CTNND2: variants seen among roughly 807,000 people sequenced by gnomAD.
The protein encoded by CTNND2 is catenin delta-2.
A neutral mutation model predicts 144.4 loss-of-function variants in CTNND2; 22 were observed. The ratio of observed to expected loss-of-function variants is 0.15; its 90% CI spans 0.11 to 0.22. The LOEUF is 0.22. CTNND2 is among the 10% of genes least tolerant of loss of function. CTNND2 has a pLI of 1.00. For synonymous variants in CTNND2, 751 were observed against 695.6 expected, an observed-to-expected ratio of 1.08 and a Z score of -1.25; for missense variants, 1,353 against 1,618.8, an observed-to-expected ratio of 0.84 and a Z score of 2.82.
rs554286921 is a variant in CTNND2, at chr5:11,521,798, G to T, written c.287+43146C>A. Among the ~76,000 whole-genome samples, 3 of 152,318 alleles carry T rather than the reference G, an allele frequency of 2.0e-5. No homozygotes were observed. In the East Asian group the frequency reaches 5.8e-4, roughly 29 times the overall value. ...GACAATCGATGCTCGTTGAGTGAAT[G>T]ATGCATAGCCGATGTTAAACATCCA... is the stretch of plus-strand genomic sequence containing the variant. On this transcript the variant is annotated intron_variant, in intron 3 of 21. Coordinates refer to ENST00000304623, the MANE Select transcript of CTNND2 (RefSeq NM_001332.4).
At chr5:11,676,943 C>T (rs757104356) in intron 2 of CTNND2, among the ~76,000 whole-genome samples, 7 of 152,176 alleles carry the variant, frequency 4.6e-5, no homozygotes, top group Non-Finnish European at 1.0e-4. Context: ...AAAATTATCT[C>T]ATTCTCTTTA....
rs866769751 is a variant in CTNND2 at position 11,547,690 on chromosome 5, C to T, written c.287+17254G>A. Reference sequence around the variant, plus strand: ...TAATAATGCCTAAATCAGGGAAGTGCAAACTTCAAGCTCACCAGATTTGCA... The same window carrying T: ...TAATAATGCCTAAATCAGGGAAGTGTAAACTTCAAGCTCACCAGATTTGCA... On this transcript the variant is annotated intron_variant, in intron 3 of 21. Transcript: ENST00000304623. Among the ~76,000 whole-genome samples, 13 of 152,286 alleles carry T rather than the reference C, an allele frequency of 8.5e-5. 1 individual carries two copies. The highest frequency in any genetic ancestry group is 3.1e-4 in the African/African-American group (13 of 41,560).
intron 1 of CTNND2, among the ~76,000 whole-genome samples, chr5:11,801,946 C>T (rs539208192): frequency 7.2e-5 from 11 of 151,908 alleles, no homozygotes; most frequent in Admixed American, 1.3e-4. Flanking sequence ...TACATTTTTC[C>T]CAAACTTTTC....
intron 3 of CTNND2, among the ~76,000 whole-genome samples, chr5:11,471,214 T>C (rs574362095): frequency 6.6e-6 from 1 of 151,864 alleles, no homozygotes; most frequent in South Asian, 2.1e-4. Context: ...CCTGACCTCA[T>C]GATCCACCTG....
At chr5:11,336,225 G>C (rs1243028369) in intron 9 of CTNND2, among the ~76,000 whole-genome samples, 1 of 152,142 alleles carries the variant, frequency 6.6e-6, no homozygotes, top group Non-Finnish European at 1.5e-5. Context: ...TGCTTTGTGA[G>C]TTTTGTCCAA....
intron 3 of CTNND2, among the ~76,000 whole-genome samples, chr5:11,486,496 CT>C (rs954686458): frequency 1.1e-4 from 16 of 152,068 alleles, no homozygotes; most frequent in African/African-American, 2.4e-4. Flanking sequence ...TGTGTATAGT[CT>C]TTTTTTCCCC....
At position 11,543,812 on chromosome 5, in the gene CTNND2, C is replaced by T. The variant is rs1774972174; in HGVS notation, c.287+21132G>A. Among the ~76,000 whole-genome samples, 2 of 152,146 alleles carry T rather than the reference C, an allele frequency of 1.3e-5. 1 individual carries two copies. The highest frequency in any genetic ancestry group is 2.9e-5 in the Non-Finnish European group (2 of 68,018). On this transcript the variant is annotated intron_variant, in intron 3 of 21. Coordinates refer to ENST00000304623, the MANE Select transcript of CTNND2 (RefSeq NM_001332.4). ...ATTACTAATGATGCTCTACCCAATA[C>T]AGACCAATAATTTAGTTCAAAGTGG... is the stretch of plus-strand genomic sequence containing the variant.
intron 3 of CTNND2, among the ~76,000 whole-genome samples, chr5:11,469,677 G>A (rs747662178): frequency 3.9e-4 from 59 of 152,186 alleles, no homozygotes; most frequent in Non-Finnish European, 6.9e-4. Flanking sequence ...CCTTGTAGAT[G>A]CCCACTCAAC....
At chr5:11,191,977 C>T (rs1016034892) in intron 11 of CTNND2, among the ~76,000 whole-genome samples, 2 of 152,184 alleles carry the variant, frequency 1.3e-5, no homozygotes, top group East Asian at 1.9e-4. Flanking sequence ...CTTCCACAGG[C>T]GTTTTCACCA....
chr5:11,041,080 A>C (rs1336520263), intron 16 of CTNND2, among the ~76,000 whole-genome samples: 2 of 152,216 alleles, frequency 1.3e-5, no homozygotes, highest in Non-Finnish European at 2.9e-5. Context: ...CCTGAGCGAC[A>C]TTGGAATAGC....
chr5:11,028,262 T>C (rs1335965280), intron 16 of CTNND2, among the ~76,000 whole-genome samples: 1 of 152,140 alleles, frequency 6.6e-6, no homozygotes, highest in East Asian at 1.9e-4. Context: ...CACAACTCCT[T>C]TGTCTTCGAG....
At chr5:11,123,872 G>C (rs923148890) in intron 12 of CTNND2, among the ~76,000 whole-genome samples, 1 of 152,176 alleles carries the variant, frequency 6.6e-6, no homozygotes, top group Non-Finnish European at 1.5e-5. Flanking sequence ...GTGATGTATA[G>C]ACTCTGAACA....
At chr5:11,831,281 G>T (rs1793885119) in intron 1 of CTNND2, among the ~76,000 whole-genome samples, 1 of 151,390 alleles carries the variant, frequency 6.6e-6, no homozygotes, top group African/African-American at 2.4e-5. Flanking sequence ...AACAAAGCTG[G>T]AGGACTTATA....
chr5:11,341,816 T>C (rs959638884), intron 9 of CTNND2, among the ~76,000 whole-genome samples: 1 of 152,156 alleles, frequency 6.6e-6, no homozygotes, highest in African/African-American at 2.4e-5. Flanking sequence ...AAGACCAGCC[T>C]GGGCAGCACA....
chr5:11,395,854 T>C (rs1300009559), intron 6 of CTNND2, among the ~76,000 whole-genome samples: 1 of 152,200 alleles, frequency 6.6e-6, no homozygotes, highest in African/African-American at 2.4e-5. Flanking sequence ...AATGAACACA[T>C]AGTGGTGCCT....
At chr5:11,654,052 G>A (rs1782790023) in intron 2 of CTNND2, among the ~76,000 whole-genome samples, 2 of 152,082 alleles carry the variant, frequency 1.3e-5, no homozygotes, top group Middle Eastern at 3.4e-3. Flanking sequence ...TTGACCGTAT[G>A]TAGGTGAGTT....
chr5:11,321,693 A>C (rs258845), intron 9 of CTNND2, among the ~76,000 whole-genome samples: 108,968 of 151,952 alleles, frequency 0.72, 39,264 homozygotes, highest in South Asian at 0.85. Flanking sequence ...TGGAGAAATA[A>C]ATAACCCCCC....
chr5:11,326,675 C>G (rs1752564707), intron 9 of CTNND2, among the ~76,000 whole-genome samples: 1 of 152,188 alleles, frequency 6.6e-6, no homozygotes, highest in Non-Finnish European at 1.5e-5. Flanking sequence ...TGCTCCCTGA[C>G]AGCTCAACCC....
intron 2 of CTNND2, among the ~76,000 whole-genome samples, chr5:11,623,576 A>T (rs933031111): frequency 4.0e-5 from 6 of 151,716 alleles, no homozygotes; most frequent in Non-Finnish European, 8.8e-5. Context: ...GTGAAAATGG[A>T]CTAATACACC....
Sources: allele counts gnomAD v4.1 joint callset (sites outside exome capture counted in the v4.1 genomes callset), GRCh38; gene constraint gnomAD v4.1.1; transcripts MANE v1.5; gene names NCBI Gene and HGNC (gene_info 2026-07-23, HGNC 2026-07-21).